CRK: variants seen among roughly 807,000 people sequenced by gnomAD.
The protein encoded by CRK is adapter molecule crk.
Under a neutral mutation model 29.8 loss-of-function variants are expected in CRK, and 4 were observed. The ratio of observed to expected loss-of-function variants is 0.13; its 90% CI spans 0.07 to 0.31. The LOEUF (loss-of-function observed/expected upper bound fraction) is 0.31. Ranked by LOEUF, CRK falls within the 10% of genes least tolerant of loss-of-function variation. CRK has a pLI of 1.00. For missense variants in CRK, 274 were observed against 396.5 expected, an observed-to-expected ratio of 0.69 and a Z score of 2.62; for synonymous variants, 153 against 164.9, an observed-to-expected ratio of 0.93 and a Z score of 0.55.
Position 1,421,184 on chromosome 17 carries a change from C to T in CRK, c.*2329G>A, listed in dbSNP as rs1270459284. ...CCAGCCCAGTGGTTCATGAACGGCC[C>T]TGGATCACTGATCACTGAGGAATCC... is the stretch of plus-strand genomic sequence containing the variant. On this transcript the variant is annotated 3_prime_UTR_variant, in exon 3 of 3. Transcript: ENST00000300574. The T allele has an allele frequency of 6.6e-6, 1 of 152,174 alleles. No homozygotes were observed. The highest frequency in any genetic ancestry group is 1.5e-5 in the Non-Finnish European group (1 of 68,032). The allele number at this position is 152,174 out of a possible 1,614,324, so 9.4% of individuals were successfully genotyped here.
intron 2 of CRK, among the ~76,000 whole-genome samples, chr17:1,432,044 C>T (rs1274914620): frequency 2.6e-5 from 4 of 152,174 alleles, no homozygotes; most frequent in Non-Finnish European, 5.9e-5. Context: ...GGAGACCTCA[C>T]TACAGCAAAG....
Position 1,423,515 on chromosome 17 carries a change from A to G in CRK, c.913T>C (p.Ter305ArgextTer2). ...TCAGCAAAACTGTTGAACTATACTC[A>G]GCTGAAGTCCTCATCGGGATTCTGT... ...DQQNPDEDFS[*>R] is the part of the protein sequence containing the mutation. Residue 305 changes from the stop codon to arginine (R), a stop_lost, in exon 3 of 3, where the codon TGA becomes CGA. Coordinates refer to ENST00000300574, the MANE Select transcript of CRK (RefSeq NM_016823.4). 6.2e-7 allele frequency: 1 copy of G among 1,613,686 alleles called. No individual in the cohort carries two copies. The highest frequency in any genetic ancestry group is 1.7e-5 in the Admixed American group (1 of 59,904).
intron 2 of CRK, among the ~76,000 whole-genome samples, chr17:1,427,421 G>A (rs1323864760): frequency 3.3e-5 from 5 of 151,570 alleles, no homozygotes; most frequent in African/African-American, 7.3e-5. Flanking sequence ...GTGAAACCCC[G>A]TCTCTACTAA....
At position 1,436,998 on chromosome 17, in the gene CRK, C is replaced by G; in HGVS notation, c.399G>C (p.Glu133Asp). The G allele has an allele frequency of 6.2e-7, 1 of 1,614,166 alleles. No individual in the cohort carries two copies. The highest frequency in any genetic ancestry group is 1.1e-5 in the South Asian group (1 of 91,084). The part of the protein sequence containing the change: ...QGSGVILRQE[E>D]AEYVRALFDF... ...CAAAGAGGGCTCGCACATACTCCGC[C>G]TCCTCCTGCCTGAGAATCACTCCAC... is the stretch of plus-strand genomic sequence containing the variant. Residue 133 changes from glutamate to aspartate, a missense_variant, in exon 2 of 3, where the codon GAG (glutamate) becomes GAC (aspartate). Physicochemically the swap from Glu to Asp is conservative, Grantham distance 45 (BLOSUM62 2). This residue lies in a region of CRK where 135 missense variants were observed against 180.9 expected (regional missense o/e 0.75). Coordinates refer to ENST00000300574, the MANE Select transcript of CRK (RefSeq NM_016823.4).
chr17:1,453,670 T>C (rs1413401808), intron 1 of CRK, among the ~76,000 whole-genome samples: 1 of 143,836 alleles, frequency 7.0e-6, no homozygotes, highest in Non-Finnish European at 1.5e-5. Context: ...ACTTTGGGAG[T>C]CTGAGGTGGG....
chr17:1,435,467 G>GA (rs11329958), intron 2 of CRK, among the ~76,000 whole-genome samples: 92 of 146,626 alleles, frequency 6.3e-4, no homozygotes, highest in Non-Finnish European at 7.6e-4. Context: ...AAGCAGAGAG[G>GA]AAAAAAAAAA....
intron 2 of CRK, among the ~76,000 whole-genome samples, chr17:1,426,655 G>A (rs986150936): frequency 6.6e-6 from 1 of 152,108 alleles, no homozygotes; most frequent in South Asian, 2.1e-4. Context: ...CACGACGTCA[G>A]GAGTTCAAGA....
intron 1 of CRK, among the ~76,000 whole-genome samples, chr17:1,453,355 T>C (rs975961279): frequency 2.0e-5 from 3 of 152,206 alleles, no homozygotes; most frequent in Admixed American, 1.3e-4. Context: ...ACCTGCCTGC[T>C]GCCATTTTCA....
At chr17:1,446,951 G>A (rs937460429) in intron 1 of CRK, among the ~76,000 whole-genome samples, 2 of 152,108 alleles carry the variant, frequency 1.3e-5, no homozygotes, top group African/African-American at 4.8e-5. Flanking sequence ...AAAACGCCAC[G>A]GAAAACCTTT....
Position 1,432,456 on chromosome 17 carries a change from G to C in CRK, c.777+4164C>G, listed in dbSNP as rs532740074. On this transcript the variant is annotated intron_variant, in intron 2 of 2. Transcript: ENST00000300574. ...CACGCCACTGTACTCCAGCCTGGGT[G>C]ACAGAGTGAGACCTTGTCTTAAAAA... Among the ~76,000 whole-genome samples, 3 of 110,780 alleles carry C rather than the reference G, an allele frequency of 2.7e-5. No homozygotes were observed. The South Asian group carries it at 9.6e-4, about 35-fold the overall frequency. 72.7% of individuals were successfully genotyped at this position (110,780 alleles called of 152,430 possible). A position where few individuals can be genotyped will look rare whatever the true frequency, so the allele number is the denominator to read the frequency against.
At chr17:1,448,870 AT>A (rs1272669676) in intron 1 of CRK, among the ~76,000 whole-genome samples, 1 of 151,588 alleles carries the variant, frequency 6.6e-6, no homozygotes, top group Non-Finnish European at 1.5e-5. Context: ...GGATCTCTTT[AT>A]TTTTTTCTCT....
Position 1,436,988 on chromosome 17 carries a change from C to T in CRK, c.409G>A (p.Val137Met), listed in dbSNP as rs745434190. The change falls in exon 2 of 3, where the codon GTG becomes ATG. Residue 137 changes from valine (V) to methionine (M), a missense_variant. By Grantham distance (21) the Val-to-Met change is conservative. Around this residue, in one of 3 missense-constraint regions of CRK, gnomAD observed 135 missense variants for 180.9 expected, o/e 0.75. Transcript: ENST00000300574. ...VILRQEEAEY[V>M]RALFDFNGND... ...CCATTAAAGTCAAAGAGGGCTCGCA[C>T]ATACTCCGCCTCCTCCTGCCTGAGA... 1 of 1,614,152 alleles carries T rather than the reference C, an allele frequency of 6.2e-7. No homozygotes were observed. Among genetic ancestry groups the T allele is most frequent in the East Asian group, 2.2e-5 (1 of 44,886 alleles).
chr17:1,436,964 C>G lies in CRK; in HGVS notation c.433G>C (p.Gly145Arg). The change falls in exon 2 of 3, where the codon GGG (glycine) becomes CGG (arginine). Residue 145 changes from glycine (G) to arginine (R), a missense_variant. Gly to Arg is a moderately radical substitution (Grantham distance 125). Around this residue, in one of 3 missense-constraint regions of CRK, gnomAD observed 18 missense variants for 61.3 expected, o/e 0.29. Transcript: ENST00000300574. ...EYVRALFDFN[G>R]NDEEDLPFKK... ...AAGGGAAGATCTTCCTCATCATTCCCATTAAAGTCAAAGAGGGCTCGCACA... is the reference window on the plus strand; with the variant it reads ...AAGGGAAGATCTTCCTCATCATTCCGATTAAAGTCAAAGAGGGCTCGCACA... 1 of 1,614,186 alleles carries G rather than the reference C, an allele frequency of 6.2e-7. No individual in the cohort carries two copies. The highest frequency in any genetic ancestry group is 8.5e-7 in the Non-Finnish European group (1 of 1,180,040).
chr17:1,443,184 T>C (rs1161144489), intron 1 of CRK, among the ~76,000 whole-genome samples: 1 of 151,872 alleles, frequency 6.6e-6, no homozygotes, highest in Non-Finnish European at 1.5e-5. Context: ...TTTCACCACG[T>C]TGGCAAGGCT....
At chr17:1,444,551 G>A (rs189357307) in intron 1 of CRK, among the ~76,000 whole-genome samples, 32 of 150,228 alleles carry the variant, frequency 2.1e-4, no homozygotes, top group Middle Eastern at 3.4e-3. Context: ...AAAGCTGGGC[G>A]TGGTGGCTCA....
At chr17:1,440,646 C>G (rs1210255365) in intron 1 of CRK, among the ~76,000 whole-genome samples, 1 of 151,594 alleles carries the variant, frequency 6.6e-6, no homozygotes, top group Non-Finnish European at 1.5e-5. Flanking sequence ...GGGCACGTGG[C>G]TCACACCTGT....
rs1157658292 is a variant in CRK at position 1,422,121 on chromosome 17, TA to T, written c.*1391del. The T allele has an allele frequency of 6.6e-6, 1 of 151,718 alleles. No homozygotes were observed. Among genetic ancestry groups the T allele is most frequent in the Non-Finnish European group, 1.5e-5 (1 of 67,930 alleles). The allele number at this position is 151,718 out of a possible 1,614,324, so 9.4% of individuals were successfully genotyped here. A position where few individuals can be genotyped will look rare whatever the true frequency, so the allele number is the denominator to read the frequency against. On this transcript the variant is annotated 3_prime_UTR_variant, in exon 3 of 3. Coordinates refer to ENST00000300574, the MANE Select transcript of CRK (RefSeq NM_016823.4). ...CTCCCCATGAGAAATGAATAATACA[TA>T]AGTAATTCACAATTGGTTCAACATT...
chr17:1,423,342 A>G lies in CRK; in HGVS notation c.*171T>C, dbSNP rs763413960. Reference sequence around the variant, plus strand: ...AAGCCCTCCAGTTCGTACCCTGAATATGGTAATTAAGACTAGGAATGGAGC... The same window carrying G: ...AAGCCCTCCAGTTCGTACCCTGAATGTGGTAATTAAGACTAGGAATGGAGC... On this transcript the variant is annotated 3_prime_UTR_variant, in exon 3 of 3. Transcript: ENST00000300574. 8 of 817,608 alleles carry G rather than the reference A, an allele frequency of 9.8e-6. No homozygotes were observed. Among genetic ancestry groups the G allele is most frequent in the Non-Finnish European group, 1.3e-5 (7 of 541,792 alleles). The allele number at this position is 817,608 out of a possible 1,614,324, so 50.6% of individuals were successfully genotyped here.
chr17:1,432,942 C>G (rs1213427186), intron 2 of CRK, among the ~76,000 whole-genome samples: 3 of 152,148 alleles, frequency 2.0e-5, no homozygotes, highest in Non-Finnish European at 4.4e-5. Context: ...ATCCTTTCAT[C>G]TTCACTTTTT....
Sources: gnomAD v4.1 joint callset for allele counts (sites outside exome capture counted in the v4.1 genomes callset) on GRCh38, gnomAD v4.1.1 for gene constraint, gnomAD v4.1.1 regional missense constraint, MANE v1.5 for transcripts, NCBI Gene and HGNC (gene_info 2026-07-23, HGNC 2026-07-21) for gene names.